GALNT14: variants seen among roughly 807,000 people sequenced by gnomAD.
GALNT14 encodes the protein polypeptide N-acetylgalactosaminyltransferase 14.
A neutral mutation model predicts 77.5 loss-of-function variants in GALNT14; 60 were observed. That is an observed-to-expected ratio of 0.77 (90% confidence interval 0.63 to 0.96). The LOEUF is 0.96. Ranked by LOEUF, GALNT14 falls within the 40% of genes least tolerant of loss-of-function variation. The pLI, the probability that GALNT14 is intolerant of heterozygous loss-of-function variation, is 0.00. For synonymous variants in GALNT14, 280 were observed against 281.7 expected, an observed-to-expected ratio of 0.99 and a Z score of 0.06; for missense variants, 710 against 731.0, an observed-to-expected ratio of 0.97 and a Z score of 0.33.
rs892216355 is a variant in GALNT14 at position 31,049,215 on chromosome 2, G to C, written c.130-56208C>G. Among the ~76,000 whole-genome samples the C allele has an allele frequency of 2.0e-5, 3 of 152,118 alleles. No homozygotes were observed. The South Asian group carries it at 6.2e-4, about 32-fold the overall frequency. ...GTCTTTTTTGGTGTCATCTGTCTTG[G>C]ACTCTCCTTCTCAGGGGTGGGCTCT... is the stretch of plus-strand genomic sequence containing the variant. On this transcript the variant is annotated intron_variant, in intron 1 of 14. Coordinates refer to ENST00000349752, the MANE Select transcript of GALNT14 (RefSeq NM_024572.4).
At chr2:30,968,204 T>C (rs1406885701) in intron 2 of GALNT14, among the ~76,000 whole-genome samples, 1 of 152,236 alleles carries the variant, frequency 6.6e-6, no homozygotes, top group East Asian at 1.9e-4. Context: ...ATACCAGTTG[T>C]CCATTGATAG....
chr2:31,068,142 A>T (rs1675102767), intron 1 of GALNT14, among the ~76,000 whole-genome samples: 1 of 152,310 alleles, frequency 6.6e-6, no homozygotes, highest in Admixed American at 6.5e-5. Context: ...CCAGACCAGC[A>T]GACCCCTATG....
At chr2:31,082,256 A>G (rs146588321) in intron 1 of GALNT14, among the ~76,000 whole-genome samples, 2,919 of 152,358 alleles carry the variant, frequency 0.019, 92 homozygotes, top group African/African-American at 0.061. Flanking sequence ...CAAGCAGGGC[A>G]CTTGGCCTCA....
At chr2:30,936,732 T>C (rs1043302557) in intron 9 of GALNT14, among the ~76,000 whole-genome samples, 1 of 152,174 alleles carries the variant, frequency 6.6e-6, no homozygotes, top group Non-Finnish European at 1.5e-5. Context: ...CCAGAAAACA[T>C]CGCCTTGAAT....
At chr2:31,093,650 C>G (rs1170599079) in intron 1 of GALNT14, among the ~76,000 whole-genome samples, 1 of 152,230 alleles carries the variant, frequency 6.6e-6, no homozygotes, top group African/African-American at 2.4e-5. Context: ...TCACGCCACT[C>G]TGTTGTGAAA....
At chr2:31,030,995 T>A (rs961335666) in intron 1 of GALNT14, among the ~76,000 whole-genome samples, 1 of 152,230 alleles carries the variant, frequency 6.6e-6, no homozygotes, top group Non-Finnish European at 1.5e-5. Flanking sequence ...TCAAGCATCA[T>A]GAGAAAGCGC....
the GALNT14 span, among the ~76,000 whole-genome samples, chr2:30,899,750 C>T: frequency 5.3e-5 from 8 of 152,300 alleles, no homozygotes; most frequent in East Asian, 1.4e-3. Flanking sequence ...TTAAATTAGT[C>T]GGCTCCATGG....
chr2:30,921,334 T>G (rs1665018226), intron 13 of GALNT14, among the ~76,000 whole-genome samples: 1 of 152,206 alleles, frequency 6.6e-6, no homozygotes, highest in African/African-American at 2.4e-5. Flanking sequence ...CCACCAGCAC[T>G]GCCCACACAC....
chr2:31,066,375 C>T (rs1674964374), intron 1 of GALNT14, among the ~76,000 whole-genome samples: 1 of 150,806 alleles, frequency 6.6e-6, no homozygotes, highest in Non-Finnish European at 1.5e-5. Flanking sequence ...TCACCCACAC[C>T]ACCGGAGACT....
intron 1 of GALNT14, among the ~76,000 whole-genome samples, chr2:31,037,924 G>A (rs1672843344): frequency 1.3e-5 from 2 of 151,228 alleles, no homozygotes; most frequent in Non-Finnish European, 2.9e-5. Flanking sequence ...CCTTCTTAGG[G>A]CTTTCCTGAG....
intron 2 of GALNT14, among the ~76,000 whole-genome samples, chr2:30,984,980 C>G (rs56188515): frequency 2.0e-5 from 3 of 152,062 alleles, no homozygotes. Context: ...ATGGCCTTAG[C>G]GCAATCCACA....
At chr2:31,136,927 TC>T (rs1679251781) in intron 1 of GALNT14, among the ~76,000 whole-genome samples, 1 of 152,140 alleles carries the variant, frequency 6.6e-6, no homozygotes, top group African/African-American at 2.4e-5. Context: ...CCCGCCCACA[TC>T]TTCCTGTTTT....
intron 7 of GALNT14, among the ~76,000 whole-genome samples, 175 bp from the exon 8 acceptor site, chr2:30,945,117 C>T (rs1013497084): frequency 2.0e-5 from 3 of 152,338 alleles, no homozygotes; most frequent in East Asian, 1.9e-4. Context: ...GCCAAAGCGC[C>T]GTTCACAGCT....
chr2:31,125,062 C>G, intron 1 of GALNT14: 1 of 884,186 alleles, frequency 1.1e-6, no homozygotes, highest in Non-Finnish European at 1.8e-6. Flanking sequence ...CCCAGGAGCT[C>G]TGGCAGATCA....
intron 1 of GALNT14, among the ~76,000 whole-genome samples, chr2:31,077,987 C>A (rs1025606012): frequency 6.6e-6 from 1 of 152,142 alleles, no homozygotes; most frequent in Non-Finnish European, 1.5e-5. Flanking sequence ...TGAGACCAGG[C>A]CAGGCCAAGA....
intron 1 of GALNT14, among the ~76,000 whole-genome samples, chr2:31,056,290 G>A (rs151042718): frequency 2.1e-3 from 327 of 152,306 alleles, no homozygotes; most frequent in African/African-American, 7.2e-3. Context: ...ACCATTGTCC[G>A]TTTGGTAGGT....
chr2:31,085,350 AG>A (rs1337746153), intron 1 of GALNT14, among the ~76,000 whole-genome samples: 3 of 152,338 alleles, frequency 2.0e-5, no homozygotes, highest in African/African-American at 7.2e-5. Context: ...CTCCAGAGAG[AG>A]GGAGGGGCTC....
chr2:30,948,743 C>T (rs1407775122), intron 6 of GALNT14, among the ~76,000 whole-genome samples: 4 of 152,172 alleles, frequency 2.6e-5, no homozygotes, highest in Admixed American at 1.3e-4. Context: ...ATGATTCTAA[C>T]AGTTTTGCTG....
At chr2:31,080,223 C>A (rs920850597) in intron 1 of GALNT14, among the ~76,000 whole-genome samples, 12 of 152,116 alleles carry the variant, frequency 7.9e-5, no homozygotes, top group Non-Finnish European at 1.8e-4. Flanking sequence ...GCAAGAAAAA[C>A]CAAACCAAAC....
Sources: gnomAD v4.1 joint callset for allele counts (sites outside exome capture counted in the v4.1 genomes callset) on GRCh38, gnomAD v4.1.1 for gene constraint, MANE v1.5 for transcripts, NCBI Gene and HGNC (gene_info 2026-07-23, HGNC 2026-07-21) for gene names.